The following GYG2 variants were observed in gnomAD, a reference collection of about 807,000 sequenced individuals.
GYG2 encodes glycogenin 2, also known as glycogenin-2.
In GYG2, 29 loss-of-function variants were observed where a neutral mutation model predicts 29.4. The observed-to-expected ratio is 0.99, with a 90% CI of 0.74 to 1.35. The LOEUF is 1.35. GYG2 is among the 40% of genes most tolerant of loss of function. The probability of loss-of-function intolerance (pLI) is 0.00; values close to 1 mark genes in which losing one functional copy is unlikely to be tolerated. For synonymous variants in GYG2, 167 were observed against 172.3 expected, an observed-to-expected ratio of 0.97 and a Z score of 0.24; for missense variants, 370 against 385.7, an observed-to-expected ratio of 0.96 and a Z score of 0.34.
chrX:2,855,016 G>C lies in GYG2; in HGVS notation c.348G>C (p.Leu116=). The part of the protein sequence containing the change: ...DTLVLSNVDE[L]FDRGEFSAAP... ...AGGTGCTGTCCAATGTCGATGAGCT[G>C]TTTGACAGGGGAGAGTTTTCTGCGG... Residue 116 remains leucine, a synonymous_variant, in exon 5 of 11, where the codon CTG becomes CTC. Transcript: ENST00000398806. The C allele has an allele frequency of 8.3e-7, 1 of 1,211,693 alleles. No individual in the cohort carries two copies.
intron 3 of GYG2, among the ~76,000 whole-genome samples, chrX:2,844,760 G>GTA (rs1555896890): frequency 1.2e-5 from 1 of 80,355 alleles, no homozygotes; most frequent in Non-Finnish European, 2.2e-5. Context: ...ATACGCACAC[G>GTA]TATGTGTATA....
chrX:2,877,080 G>A, intron 9 of GYG2, 120 bp from the exon 10 acceptor site: 10 of 988,439 alleles, frequency 1.0e-5, no homozygotes, highest in Non-Finnish European at 1.4e-5. Context: ...ACCGCGCCTG[G>A]CCTCAACCCA....
intron 10 of GYG2, 89 bp downstream of exon 10, chrX:2,877,396 T>C (rs1027047558): frequency 4.5e-6 from 5 of 1,122,308 alleles, no homozygotes; most frequent in Non-Finnish European, 4.7e-6. Flanking sequence ...CAACAGCTGT[T>C]AATTTTTCAG....
At chrX:2,841,965 G>A (rs759289869) in intron 2 of GYG2, among the ~76,000 whole-genome samples, 6 of 111,683 alleles carry the variant, frequency 5.4e-5, no homozygotes, top group Non-Finnish European at 1.1e-4. Context: ...TAAAACTGCT[G>A]TAAATTATAT....
intron 1 of GYG2, 22 bp from the exon 2 acceptor site, chrX:2,830,039 A>G: frequency 1.9e-6 from 1 of 514,695 alleles, no homozygotes; most frequent in Admixed American, 3.1e-5. Flanking sequence ...GGGTGTCGAG[A>G]CTGCCACGCT....
intron 10 of GYG2, among the ~76,000 whole-genome samples, chrX:2,878,510 T>G (rs1184770843): frequency 9.0e-6 from 1 of 111,416 alleles, no homozygotes; most frequent in African/African-American, 3.3e-5. Context: ...CCTCAAGTGA[T>G]CCTCCTTTTT....
chrX:2,853,956 C>G, intron 3 of GYG2, 24 bp from the exon 4 acceptor site: 14 of 1,142,208 alleles, frequency 1.2e-5, no homozygotes, highest in Non-Finnish European at 1.7e-5. Context: ...CGCTGTCCCA[C>G]TATTTGGCAC....
chrX:2,843,668 C>T (rs775812241), intron 3 of GYG2, among the ~76,000 whole-genome samples: 13 of 112,019 alleles, frequency 1.2e-4, no homozygotes, highest in South Asian at 3.8e-4. Flanking sequence ...CTCGCTCTGT[C>T]GCCCAGGCTG....
chrX:2,828,982 G>A lies in GYG2; in HGVS notation c.-129+7G>A, dbSNP rs2087189477. The A allele has an allele frequency of 1.8e-5, 2 of 110,162 alleles. No homozygotes were observed. Among genetic ancestry groups the A allele is most frequent in the South Asian group, 7.9e-4 (2 of 2,525 alleles). The allele number at this position is 110,162 out of a possible 1,213,427, so 9.1% of individuals were successfully genotyped here. ...CAGCCAGAGCGCGGAAGAGGTGCGG[G>A]GGGCTGTAGGGGGCTGCAGGGGACC... On this transcript the variant is annotated splice_region_variant and intron_variant, in intron 1 of 10. Coordinates refer to ENST00000398806, the MANE Select transcript of GYG2 (RefSeq NM_001079855.2).
Position 2,829,946 on chromosome X carries a change from G to A in GYG2, c.-128-115G>A, listed in dbSNP as rs1243799580. On this transcript the variant is annotated intron_variant, in intron 1 of 10. Coordinates refer to ENST00000398806, the MANE Select transcript of GYG2 (RefSeq NM_001079855.2). ...GGGGCGTGGAGGTCGCAGGGGCATC[G>A]GGGGAGGCAGGGGCCCCGTGGGGCG... 2.2e-5 allele frequency: 9 copies of A among 407,437 alleles called. No individual in the cohort carries two copies. The Admixed American group carries it at 3.9e-4, about 18-fold the overall frequency. 33.6% of individuals were successfully genotyped at this position (407,437 alleles called of 1,213,427 possible). A position where few individuals can be genotyped will look rare whatever the true frequency, so the allele number is the denominator to read the frequency against.
At chrX:2,842,484 C>A (rs917303290) in intron 2 of GYG2, among the ~76,000 whole-genome samples, 1 of 111,050 alleles carries the variant, frequency 9.0e-6, no homozygotes, top group Non-Finnish European at 1.9e-5. Context: ...TGAGCCACTG[C>A]ACCTAGCCCA....
chrX:2,830,140 CG>C lies in GYG2; in HGVS notation c.-46del. Reference sequence around the variant, plus strand: ...GGCGAGGAAGTCCACCCACTGCTCCCGGGCGCAGGTCTGCAGGTCCGCGCCC... The same window carrying C: ...GGCGAGGAAGTCCACCCACTGCTCCCGGCGCAGGTCTGCAGGTCCGCGCCC... On this transcript the variant is annotated 5_prime_UTR_variant, in exon 2 of 11. Coordinates refer to ENST00000398806, the MANE Select transcript of GYG2 (RefSeq NM_001079855.2). 1 of 1,190,067 alleles carries C rather than the reference CG, an allele frequency of 8.4e-7. No individual in the cohort carries two copies. Among genetic ancestry groups the C allele is most frequent in the East Asian group, 3.0e-5 (1 of 33,667 alleles).
intron 6 of GYG2, among the ~76,000 whole-genome samples, chrX:2,859,625 AT>A (rs2088108091): frequency 9.0e-6 from 1 of 110,725 alleles, no homozygotes; most frequent in African/African-American, 3.3e-5. Context: ...TCATATATTG[AT>A]TACTGCATTG....
In GYG2 at chrX:2,875,896, A is replaced by G. The variant is rs868093937; in HGVS notation, c.1125A>G (p.Thr375=). ...CTTCCCCTCAGCCTGCAGACTTCAC[A>G]GAGACTGAAACCATCTTGGTATTCC... ...SQPSPQPADF[T]ETETILQPAN... is the part of the protein sequence containing the mutation. The change falls in exon 9 of 11, where the codon ACA becomes ACG. Residue 375 remains threonine (T), a synonymous_variant. Transcript: ENST00000398806. 3.5e-6 allele frequency: 4 copies of G among 1,142,421 alleles called. No homozygotes were observed. The highest frequency in any genetic ancestry group is 3.5e-5 in the African/African-American group (2 of 56,376). 94.1% of individuals were successfully genotyped at this position (1,142,421 alleles called of 1,213,427 possible). A position where few individuals can be genotyped will look rare whatever the true frequency, so the allele number is the denominator to read the frequency against.
chrX:2,839,979 A>C (rs2087459217), intron 2 of GYG2, among the ~76,000 whole-genome samples: 2 of 112,175 alleles, frequency 1.8e-5, no homozygotes, highest in Non-Finnish European at 3.8e-5. Context: ...TGGTTGCACA[A>C]CATTGCGCAT....
At chrX:2,831,103 G>T (rs1321235508) in intron 2 of GYG2, among the ~76,000 whole-genome samples, 1 of 112,789 alleles carries the variant, frequency 8.9e-6, no homozygotes, top group East Asian at 2.8e-4. Context: ...TGAACAGAGT[G>T]TAACCTCTTC....
chrX:2,839,720 G>T (rs191653717), intron 2 of GYG2, among the ~76,000 whole-genome samples: 22 of 111,650 alleles, frequency 2.0e-4, no homozygotes, highest in African/African-American at 6.8e-4. Context: ...ACATTGTGAT[G>T]AATTGTGTTC....
At chrX:2,858,595 T>G (rs1196632430) in intron 6 of GYG2, among the ~76,000 whole-genome samples, 1 of 111,810 alleles carries the variant, frequency 8.9e-6, no homozygotes, top group African/African-American at 3.2e-5. Context: ...AAATAGAGAA[T>G]CTGAGAATCA....
chrX:2,863,558 C>T (rs1336679460), intron 8 of GYG2, among the ~76,000 whole-genome samples: 2 of 112,133 alleles, frequency 1.8e-5, no homozygotes, highest in Non-Finnish European at 3.8e-5. Context: ...TTAGATTTTG[C>T]ACACATTGCT....
Sources: gnomAD v4.1 joint callset for allele counts (sites outside exome capture counted in the v4.1 genomes callset) on GRCh38, gnomAD v4.1.1 for gene constraint, MANE v1.5 for transcripts, NCBI Gene and HGNC (gene_info 2026-07-23, HGNC 2026-07-21) for gene names.